KDM1A: variants seen among roughly 807,000 people sequenced by gnomAD.
KDM1A encodes lysine demethylase 1A.
In KDM1A, 49 loss-of-function variants were observed where a neutral mutation model predicts 109.4. That is an observed-to-expected ratio of 0.45 (90% CI 0.36 to 0.57). The LOEUF (loss-of-function observed/expected upper bound fraction) is 0.57, where lower values mean the gene tolerates loss of function less well. KDM1A is among the 20% of genes least tolerant of loss of function. KDM1A has a pLI of 0.00. For synonymous variants in KDM1A, 380 were observed against 415.4 expected (o/e 0.91, Z 1.04); for missense variants, 668 against 1,116.6 (o/e 0.60, Z 5.73).
intron 9 of KDM1A, among the ~76,000 whole-genome samples, chr1:23,064,728 GAC>G (rs1273761367): frequency 6.6e-6 from 1 of 152,154 alleles, no homozygotes. Flanking sequence ...GCATGGGCGA[GAC>G]ACACAGGCTT....
chr1:23,042,328 C>T (rs968974607), intron 2 of KDM1A, among the ~76,000 whole-genome samples: 1 of 151,586 alleles, frequency 6.6e-6, no homozygotes, highest in East Asian at 1.9e-4. Flanking sequence ...TTCTGAGTCC[C>T]TCCCTGCTCC....
In KDM1A at chr1:23,055,071, G is replaced by A. The variant is rs1167808679; in HGVS notation, c.793G>A (p.Asp265Asn). 6.3e-7 allele frequency: 1 copy of A among 1,596,442 alleles called. No individual in the cohort carries two copies. The change falls in exon 6 of 21, where the codon GAT becomes AAT. Residue 265 changes from aspartate to asparagine, a missense_variant and splice_region_variant. Transcript: ENST00000400181. Reference protein sequence around the residue: ...LQQLEAPYNSDTVLVHRVHSY... With the variant: ...LQQLEAPYNSNTVLVHRVHSY... ...TTTTTAATCCACTTATTCTGTAGGT[G>A]ATACTGTGCTTGTCCACCGAGTTCA...
intron 9 of KDM1A, among the ~76,000 whole-genome samples, chr1:23,061,376 T>C (rs993095072): frequency 3.3e-4 from 51 of 152,348 alleles, no homozygotes; most frequent in African/African-American, 1.2e-3. Flanking sequence ...TGTGTGGTTT[T>C]TAGCATTTTG....
In KDM1A at chr1:23,082,331, AT is replaced by A; in HGVS notation, c.2411del (p.Ile804ThrfsTer37). 1 of 1,613,888 alleles carries A rather than the reference AT, an allele frequency of 6.2e-7. No homozygotes were observed. The highest frequency in any genetic ancestry group is 8.5e-7 in the Non-Finnish European group (1 of 1,179,978). ...GNDYDLMAQP[I>X]TPGPSIPGAP... is the part of the protein sequence containing the mutation. ...TGACTATGATTTAATGGCTCAGCCA[AT>A]CACTCCTGGCCCCTCGATTCCAGGT... is the stretch of plus-strand genomic sequence containing the variant. On this transcript the variant is annotated frameshift_variant, in exon 20 of 21. Coordinates refer to ENST00000400181, the MANE Select transcript of KDM1A (RefSeq NM_001009999.3). LOFTEE classifies it high-confidence loss of function.
chr1:23,031,481 G>A (rs1398278359), intron 2 of KDM1A, among the ~76,000 whole-genome samples: 1 of 152,086 alleles, frequency 6.6e-6, no homozygotes, highest in Non-Finnish European at 1.5e-5. Flanking sequence ...AAACAAAATG[G>A]TGGTTTCAGA....
Position 23,056,004 on chromosome 1 carries a change from G to A in KDM1A, c.956G>A (p.Ser319Asn), listed in dbSNP as rs1369607421. ...SGLAAARQLQSFGMDVTLLEA... is the reference protein window; with the variant it reads ...SGLAAARQLQNFGMDVTLLEA... Reference sequence around the variant, plus strand: ...TTGGCAGCAGCTCGACAGTTACAAAGTTTTGGAATGGATGTCACACTTTTG... The same window carrying A: ...TTGGCAGCAGCTCGACAGTTACAAAATTTTGGAATGGATGTCACACTTTTG... Residue 319 changes from serine (S) to asparagine (N), a missense_variant, in exon 7 of 21, where the codon AGT becomes AAT. Coordinates refer to ENST00000400181, the MANE Select transcript of KDM1A (RefSeq NM_001009999.3). 2 of 1,612,928 alleles carry A rather than the reference G, an allele frequency of 1.2e-6. 1 individual carries two copies. Among genetic ancestry groups the A allele is most frequent in the Admixed American group, 3.3e-5 (2 of 59,968 alleles).
In KDM1A at chr1:23,053,816, A is replaced by C; in HGVS notation, c.767A>C (p.Gln256Pro). 6.2e-7 allele frequency: 1 copy of C among 1,603,954 alleles called. No homozygotes were observed. ...CAGCTGACATTTGAGGCTACTCTCC[A>C]ACAATTAGAAGCACCTTATAACAGT... ...KIQLTFEATL[Q>P]QLEAPYNSDT... is the part of the protein sequence containing the mutation. Residue 256 changes from glutamine (Q) to proline (P), a missense_variant, in exon 5 of 21, where the codon CAA (glutamine) becomes CCA (proline). By Grantham distance (76) the Gln-to-Pro change is moderately conservative (BLOSUM62 -1). Coordinates refer to ENST00000400181, the MANE Select transcript of KDM1A (RefSeq NM_001009999.3).
At position 23,069,123 on chromosome 1, in the gene KDM1A, A is replaced by G; in HGVS notation, c.1385A>G (p.Gln462Arg). The change falls in exon 12 of 21, where the codon CAG (glutamine) becomes CGG (arginine). Residue 462 changes from glutamine (Q) to arginine (R), a missense_variant. Coordinates refer to ENST00000400181, the MANE Select transcript of KDM1A (RefSeq NM_001009999.3). ...IEHWKKIVKT[Q>R]EELKELLNKM... ...CATTGGAAGAAGATAGTGAAAACTC[A>G]GGAAGAATTGAAAGAACTTCTTAAT... The G allele has an allele frequency of 6.2e-7, 1 of 1,608,502 alleles. No homozygotes were observed. Among genetic ancestry groups the G allele is most frequent in the Non-Finnish European group, 8.5e-7 (1 of 1,176,026 alleles).
chr1:23,041,407 A>AAATAATAC (rs1257755690), intron 2 of KDM1A, among the ~76,000 whole-genome samples: 2 of 147,256 alleles, frequency 1.4e-5, no homozygotes, highest in African/African-American at 5.0e-5. Context: ...TCCTCTGCTT[A>AAATAATAC]AATAATACTT....
chr1:23,040,036 T>G (rs764272765), intron 2 of KDM1A, among the ~76,000 whole-genome samples: 2 of 152,254 alleles, frequency 1.3e-5, no homozygotes, highest in African/African-American at 4.8e-5. Flanking sequence ...CCTGCTAATT[T>G]ATTAAATTCA....
At chr1:23,030,012 A>G (rs1641931149) in intron 1 of KDM1A, among the ~76,000 whole-genome samples, 1 of 152,090 alleles carries the variant, frequency 6.6e-6, no homozygotes, top group Non-Finnish European at 1.5e-5. Context: ...TTTCCACTCC[A>G]TGCCCTCCAT....
chr1:23,051,095 AAC>A (rs1642656031), intron 4 of KDM1A, among the ~76,000 whole-genome samples: 3 of 152,186 alleles, frequency 2.0e-5, no homozygotes, highest in Admixed American at 2.0e-4. Context: ...TTCAAAAAAA[AAC>A]AAAAACCTTT....
rs79239858 is a variant in KDM1A at position 23,062,443 on chromosome 1, C to T, written c.1167+3276C>T. On this transcript the variant is annotated intron_variant, in intron 9 of 20. Coordinates refer to ENST00000400181, the MANE Select transcript of KDM1A (RefSeq NM_001009999.3). ...TTTGTGGACAGCTTCAGTCAAAAAA[C>T]GTAACTTGTTGGTTCTGTTGTTAGT... Among the ~76,000 whole-genome samples, 373 of 152,258 alleles carry T rather than the reference C, an allele frequency of 2.4e-3. 11 individuals carry two copies. The East Asian group carries it at 0.041, about 17-fold the overall frequency.
intron 5 of KDM1A, 31 bp downstream of exon 5, chr1:23,053,870 T>C: frequency 8.5e-7 from 1 of 1,180,612 alleles, no homozygotes; most frequent in Non-Finnish European, 1.3e-6. Flanking sequence ...GACTAATTTG[T>C]ACTGGATTGT....
chr1:23,035,502 A>G (rs993042548), intron 2 of KDM1A, among the ~76,000 whole-genome samples: 14 of 152,194 alleles, frequency 9.2e-5, no homozygotes, highest in South Asian at 8.3e-4. Flanking sequence ...ATGCCCGGTC[A>G]GGCTGTTAGA....
chr1:23,042,602 G>A (rs1642380747), intron 2 of KDM1A, among the ~76,000 whole-genome samples: 1 of 148,228 alleles, frequency 6.7e-6, no homozygotes, highest in African/African-American at 2.5e-5. Flanking sequence ...ACAGGCGCCC[G>A]CCACTACTCC....
At chr1:23,041,617 A>G (rs1265356523) in intron 2 of KDM1A, among the ~76,000 whole-genome samples, 1 of 150,452 alleles carries the variant, frequency 6.6e-6, no homozygotes, top group African/African-American at 2.4e-5. Flanking sequence ...TAATTTTTGT[A>G]TTTTTAGTAG....
rs1641541901 is a variant in KDM1A at position 23,019,576 on chromosome 1, TCGGCGGCCCGG to T, written c.-16_-6del. On this transcript the variant is annotated 5_prime_UTR_variant, in exon 1 of 21. Coordinates refer to ENST00000400181, the MANE Select transcript of KDM1A (RefSeq NM_001009999.3). ...ACAGAGCGAGCGGCCCCTACGGCCG[TCGGCGGCCCGG>T]CGGCCCGAGATGTTATCTGGGAAGA... 7.1e-7 allele frequency: 1 copy of T among 1,398,898 alleles called. No homozygotes were observed. The highest frequency in any genetic ancestry group is 2.8e-5 in the East Asian group (1 of 35,762). The allele number at this position is 1,398,898 out of a possible 1,614,324, so 86.7% of individuals were successfully genotyped here.
At chr1:23,059,372 T>G (rs1470354055) in intron 9 of KDM1A, 3 of 646,282 alleles carry the variant, frequency 4.6e-6, no homozygotes, top group Non-Finnish European at 8.7e-6. Flanking sequence ...TATATACACA[T>G]TTACCTGTCT....
Sources: gnomAD v4.1 joint callset for allele counts (sites outside exome capture counted in the v4.1 genomes callset) on GRCh38, gnomAD v4.1.1 for gene constraint, MANE v1.5 for transcripts, NCBI Gene and HGNC (gene_info 2026-07-23, HGNC 2026-07-21) for gene names.